CELF2: variants seen among roughly 807,000 people sequenced by gnomAD.
The protein encoded by CELF2 is CUGBP Elav-like family member 2, also known as CUG triplet repeat RNA-binding protein 2.
A neutral mutation model predicts 62.6 loss-of-function variants in CELF2; 8 were observed. The ratio of observed to expected loss-of-function variants is 0.13; its 90% CI spans 0.07 to 0.23. The LOEUF (loss-of-function observed/expected upper bound fraction) is 0.23, where lower values mean the gene tolerates loss of function less well. Ranked by LOEUF, CELF2 falls within the 10% of genes least tolerant of loss-of-function variation. The pLI is 1.00. For synonymous variants in CELF2, 258 were observed against 250.0 expected (o/e 1.03, Z -0.30); for missense variants, 333 against 671.0 (o/e 0.50, Z 5.56).
intron 1 of CELF2, among the ~76,000 whole-genome samples, chr10:11,009,946 A>G (rs2137362760): frequency 6.6e-6 from 1 of 152,384 alleles, no homozygotes; most frequent in South Asian, 2.1e-4. Context: ...GCTTACAGGC[A>G]GCATCACGGG....
At chr10:10,809,902 C>G (rs2055664903) in intron 1 of CELF2, among the ~76,000 whole-genome samples, 1 of 152,106 alleles carries the variant, frequency 6.6e-6, no homozygotes, top group South Asian at 2.1e-4. Context: ...TTAATGTTGA[C>G]AACTCTGAAA....
chr10:10,991,486 C>T (rs904384249), intron 2 of CELF2, among the ~76,000 whole-genome samples: 1 of 152,136 alleles, frequency 6.6e-6, no homozygotes, highest in Non-Finnish European at 1.5e-5. Context: ...GATGTGGTGT[C>T]ACACCTGCCT....
the CELF2 span, among the ~76,000 whole-genome samples, chr10:10,680,466 G>A: frequency 6.6e-6 from 1 of 152,286 alleles, no homozygotes; most frequent in East Asian, 1.9e-4. Context: ...CTCTCCCACT[G>A]GAGTTTTGCA....
the CELF2 span, among the ~76,000 whole-genome samples, chr10:10,625,655 AC>A: frequency 0.071 from 10,808 of 152,122 alleles, 565 homozygotes; most frequent in African/African-American, 0.15. Flanking sequence ...TTTAGAAAGG[AC>A]CCTTGTAGGG....
rs57761011 is a variant in CELF2 at position 11,165,203 on chromosome 10, T to TC, written c.75-281dup. On this transcript the variant is annotated intron_variant, in intron 1 of 12. Coordinates refer to ENST00000633077, the MANE Select transcript of CELF2 (RefSeq NM_001326342.2). This position sits in a 1 kb window ranked among gnomAD's most constrained non-coding sequence, Gnocchi z 7.4. ...TTAACTTGCAGCTGCCTCCCGAGCC[T>TC]CCAAGATGTCCACGCCCTGGGTGAC... 0.17 allele frequency: 213,281 copies of TC among 1,273,326 alleles called. 19,077 individuals are homozygous for TC. Among genetic ancestry groups the TC allele is most frequent in the African/African-American group, 0.32 (21,102 of 64,998 alleles). 78.9% of individuals were successfully genotyped at this position (1,273,326 alleles called of 1,614,324 possible).
chr10:10,500,545 A>G, the CELF2 span, among the ~76,000 whole-genome samples: 2 of 152,266 alleles, frequency 1.3e-5, no homozygotes, highest in South Asian at 2.1e-4. Context: ...GCCGCCATGT[A>G]AGACATGCCT....
the CELF2 span, among the ~76,000 whole-genome samples, chr10:10,755,537 A>C: frequency 1.3e-5 from 2 of 152,148 alleles, no homozygotes; most frequent in African/African-American, 4.8e-5. Context: ...CTTCCTCCTC[A>C]GATTGGTCTT....
At chr10:10,573,960 T>C in the CELF2 span, among the ~76,000 whole-genome samples, 1 of 152,134 alleles carries the variant, frequency 6.6e-6, no homozygotes, top group Non-Finnish European at 1.5e-5. Flanking sequence ...AAGAGAAGTA[T>C]TCTTCTGGTT....
At chr10:10,778,774 G>A in the CELF2 span, among the ~76,000 whole-genome samples, 1 of 152,178 alleles carries the variant, frequency 6.6e-6, no homozygotes, top group African/African-American at 2.4e-5. Context: ...ATCTCGGTCT[G>A]CTGGGCACAG....
rs1036380988 is a variant in CELF2 at position 10,928,048 on chromosome 10, C to T, written c.89+8049C>T. Among the ~76,000 whole-genome samples the T allele has an allele frequency of 6.6e-6, 1 of 152,198 alleles. No individual in the cohort carries two copies. The highest frequency in any genetic ancestry group is 2.4e-5 in the African/African-American group (1 of 41,438). ...ATTTATTTTGCTTCTGACACACCGG[C>T]CTTTCTCCGCACTTACTTCCACAGA... On this transcript the variant is annotated intron_variant, in intron 2 of 13. Transcript: ENST00000636488. The surrounding 1 kb of genome is among the most constrained non-coding windows in gnomAD (Gnocchi z 4.8).
chr10:11,147,874 G>A (rs908661900), intron 1 of CELF2, among the ~76,000 whole-genome samples: 4 of 152,144 alleles, frequency 2.6e-5, no homozygotes, highest in East Asian at 1.9e-4. Flanking sequence ...GCAGAGCCTC[G>A]CCTGGGCTCA....
chr10:10,955,771 G>T (rs1025829412), intron 2 of CELF2, among the ~76,000 whole-genome samples: 10 of 152,088 alleles, frequency 6.6e-5, no homozygotes, highest in African/African-American at 1.2e-4. Context: ...TCAATAATAA[G>T]ACAAGAACCA....
chr10:11,324,872 C>T lies in CELF2; in HGVS notation c.1295-964C>T, dbSNP rs1045869268. On this transcript the variant is annotated intron_variant, in intron 11 of 12. Transcript: ENST00000633077. This position sits in a 1 kb window ranked among gnomAD's most constrained non-coding sequence, Gnocchi z 4.7. ...GAAGGCCAGTTGAGGATTCCTGACC[C>T]GCTGCAGAAGTCGCCTCACCAGTTC... is the stretch of plus-strand genomic sequence containing the variant. Among the ~76,000 whole-genome samples, 1 of 152,190 alleles carries T rather than the reference C, an allele frequency of 6.6e-6. No individual in the cohort carries two copies. Among genetic ancestry groups the T allele is most frequent in the African/African-American group, 2.4e-5 (1 of 41,440 alleles).
At chr10:11,161,612 G>A (rs1183818819) in intron 1 of CELF2, among the ~76,000 whole-genome samples, 1 of 152,224 alleles carries the variant, frequency 6.6e-6, no homozygotes, top group African/African-American at 2.4e-5. Context: ...TGTATATCAA[G>A]TACTTGGCAA....
At chr10:10,631,532 A>G in the CELF2 span, among the ~76,000 whole-genome samples, 2 of 152,240 alleles carry the variant, frequency 1.3e-5, no homozygotes, top group Non-Finnish European at 2.9e-5. Flanking sequence ...GAAATGACTT[A>G]AAACTTGACA....
the CELF2 span, among the ~76,000 whole-genome samples, chr10:10,645,848 A>G: frequency 1.3e-5 from 2 of 152,192 alleles, no homozygotes; most frequent in East Asian, 1.9e-4. Context: ...ACCCTCTTCC[A>G]TGTATAGAAG....
At chr10:10,536,074 C>A in the CELF2 span, among the ~76,000 whole-genome samples, 3 of 147,158 alleles carry the variant, frequency 2.0e-5, no homozygotes, top group Non-Finnish European at 3.0e-5. Flanking sequence ...GGCTGTAGTG[C>A]AGTGGTGCGA....
chr10:10,656,964 C>T, the CELF2 span, among the ~76,000 whole-genome samples: 4 of 146,458 alleles, frequency 2.7e-5, no homozygotes, highest in Admixed American at 1.4e-4. Context: ...AAAACTTACA[C>T]ATTAATGTTA....
At chr10:11,293,071 C>T (rs966807576) in intron 9 of CELF2, among the ~76,000 whole-genome samples, 6 of 152,192 alleles carry the variant, frequency 3.9e-5, no homozygotes, top group Non-Finnish European at 7.3e-5. Context: ...GGACCACCTC[C>T]GCCCTTCCAT....
Sources: allele counts gnomAD v4.1 joint callset (sites outside exome capture counted in the v4.1 genomes callset), GRCh38; gene constraint gnomAD v4.1.1; non-coding constraint Gnocchi (gnomAD v3.1); transcripts MANE v1.5; gene names NCBI Gene and HGNC (gene_info 2026-07-23, HGNC 2026-07-21).